EDIL3: variants seen among roughly 807,000 people sequenced by gnomAD.
The protein encoded by EDIL3 is EGF-like repeat and discoidin I-like domain-containing protein 3.
Under a neutral mutation model 67.4 loss-of-function variants are expected in EDIL3, and 37 were observed. That is an observed-to-expected ratio of 0.55 (90% CI 0.42 to 0.72). The LOEUF (loss-of-function observed/expected upper bound fraction) is 0.72, where lower values mean the gene tolerates loss of function less well. Among genes scored for constraint, EDIL3 ranks in the 30% least tolerant of loss-of-function variants. EDIL3 has a pLI of 0.00. For missense variants in EDIL3, 527 were observed against 586.3 expected (o/e 0.90, Z 1.04); for synonymous variants, 195 against 196.3 (o/e 0.99, Z 0.05).
intron 1 of EDIL3, among the ~76,000 whole-genome samples, chr5:84,284,745 G>A (rs571327800): frequency 1.3e-5 from 2 of 152,098 alleles, no homozygotes; most frequent in Non-Finnish European, 2.9e-5. Context: ...CAAAAGATCT[G>A]AGGAATTCAA....
chr5:84,253,286 T>G (rs1235855061), intron 2 of EDIL3, among the ~76,000 whole-genome samples: 2 of 152,212 alleles, frequency 1.3e-5, no homozygotes, highest in Non-Finnish European at 2.9e-5. Context: ...AATGAACAGA[T>G]ATATTCCATC....
At chr5:84,194,566 G>A (rs1011342060) in intron 3 of EDIL3, among the ~76,000 whole-genome samples, 2 of 151,904 alleles carry the variant, frequency 1.3e-5, no homozygotes, top group Admixed American at 6.6e-5. Flanking sequence ...CTTGAGAAAT[G>A]TGTGTAACAA....
At chr5:84,078,786 A>C (rs1746910651) in intron 6 of EDIL3, 1 of 152,186 alleles carries the variant, frequency 6.6e-6, no homozygotes, top group Admixed American at 6.5e-5. Flanking sequence ...ATGCAATAGC[A>C]CAGTTACCTA....
chr5:84,332,329 G>T (rs1010142085), intron 1 of EDIL3, among the ~76,000 whole-genome samples: 4 of 152,176 alleles, frequency 2.6e-5, no homozygotes, highest in Admixed American at 2.6e-4. Context: ...CTATGATAGT[G>T]CCACTGCACT....
chr5:83,974,715 T>G (rs1490075584), intron 9 of EDIL3, among the ~76,000 whole-genome samples: 1 of 151,962 alleles, frequency 6.6e-6, no homozygotes, highest in Admixed American at 6.6e-5. Flanking sequence ...ATTATAGACT[T>G]TCTCACTGAA....
At chr5:84,052,615 T>C (rs993188676) in intron 9 of EDIL3, among the ~76,000 whole-genome samples, 2 of 152,200 alleles carry the variant, frequency 1.3e-5, no homozygotes, top group Non-Finnish European at 2.9e-5. Context: ...TGGAGGAAGA[T>C]GTACCAAGCA....
chr5:84,007,819 A>G (rs1580276530), intron 9 of EDIL3, among the ~76,000 whole-genome samples: 1 of 152,198 alleles, frequency 6.6e-6, no homozygotes, highest in Non-Finnish European at 1.5e-5. Context: ...TCAAAAAGAT[A>G]TTCCTACTCC....
rs906763234 is a variant in EDIL3, at chr5:84,007,668, A to G, written c.1138-44308T>C. ...TGTGGAGAAAAGGGAACCCTCATAC[A>G]CTATTGGTGGGAATGTAAATTAGTA... On this transcript the variant is annotated intron_variant, in intron 9 of 10. Coordinates refer to ENST00000296591, the MANE Select transcript of EDIL3 (RefSeq NM_005711.5). 1.6e-4 allele frequency among the ~76,000 whole-genome samples: 25 copies of G among 152,166 alleles called. 1 individual carries two copies. Among genetic ancestry groups the G allele is most frequent in the Admixed American group, 7.9e-4 (12 of 15,262 alleles).
At chr5:83,972,189 A>C (rs1401022093) in intron 9 of EDIL3, among the ~76,000 whole-genome samples, 1 of 152,098 alleles carries the variant, frequency 6.6e-6, no homozygotes, top group Non-Finnish European at 1.5e-5. Context: ...TATTCTATTC[A>C]TCTTTGTCAC....
At chr5:84,064,475 A>G (rs1452401981) in intron 8 of EDIL3, among the ~76,000 whole-genome samples, 1 of 152,184 alleles carries the variant, frequency 6.6e-6, no homozygotes, top group Non-Finnish European at 1.5e-5. Flanking sequence ...CCACTCAACA[A>G]AACACATTAC....
At chr5:84,237,054 T>C (rs542847977) in intron 2 of EDIL3, among the ~76,000 whole-genome samples, 23 of 152,224 alleles carry the variant, frequency 1.5e-4, no homozygotes, top group African/African-American at 5.3e-4. Context: ...GCTCACTAGA[T>C]ATGAATTTCA....
intron 1 of EDIL3, among the ~76,000 whole-genome samples, chr5:84,293,088 C>T (rs1049547754): frequency 6.6e-6 from 1 of 152,150 alleles, no homozygotes; most frequent in Admixed American, 6.5e-5. Flanking sequence ...CTGACCCCTC[C>T]GCTACATTCT....
At chr5:83,990,429 G>A (rs140153491) in intron 9 of EDIL3, among the ~76,000 whole-genome samples, 3,303 of 150,140 alleles carry the variant, frequency 0.022, 91 homozygotes, top group East Asian at 0.082. Context: ...GGAGGTTGCA[G>A]TGAGCCGAGA....
intron 1 of EDIL3, among the ~76,000 whole-genome samples, chr5:84,358,428 G>T (rs1747531212): frequency 6.6e-6 from 1 of 152,010 alleles, no homozygotes; most frequent in African/African-American, 2.4e-5. Context: ...ACGATATATT[G>T]AAGAACCTAA....
At chr5:84,095,174 T>G (rs1484520264) in intron 6 of EDIL3, among the ~76,000 whole-genome samples, 1 of 152,216 alleles carries the variant, frequency 6.6e-6, no homozygotes, top group African/African-American at 2.4e-5. Context: ...ATATTTTTAC[T>G]GTGAAGTCTG....
At chr5:84,349,717 A>G (rs1413568210) in intron 1 of EDIL3, among the ~76,000 whole-genome samples, 1 of 152,164 alleles carries the variant, frequency 6.6e-6, no homozygotes, top group Non-Finnish European at 1.5e-5. Flanking sequence ...CTTCCATGTC[A>G]GTAAATACAG....
At chr5:84,056,662 G>A (rs1561417382) in intron 9 of EDIL3, among the ~76,000 whole-genome samples, 1 of 151,880 alleles carries the variant, frequency 6.6e-6, no homozygotes, top group Non-Finnish European at 1.5e-5. Context: ...CTCCATTAGA[G>A]CGTCACATTT....
At chr5:84,169,908 A>G (rs1748783632) in intron 4 of EDIL3, among the ~76,000 whole-genome samples, 1 of 152,144 alleles carries the variant, frequency 6.6e-6, no homozygotes, top group Non-Finnish European at 1.5e-5. Context: ...ATAAATGCCC[A>G]AGAGTGTAAT....
rs73141978 is a variant in EDIL3, at chr5:83,942,904, T to G, written c.*515A>C. 2,713 of 157,552 alleles carry G rather than the reference T, an allele frequency of 0.017. 83 individuals carry two copies. The highest frequency in any genetic ancestry group is 0.062 in the African/African-American group (2,572 of 41,552). 9.8% of individuals were successfully genotyped at this position (157,552 alleles called of 1,614,324 possible). On this transcript the variant is annotated 3_prime_UTR_variant, in exon 11 of 11. Transcript: ENST00000296591. ...TATCAGTACTGCATGTTACATATTC[T>G]TCTTTAAAATTTTGTAATAAACATT...
Sources: gnomAD v4.1 joint callset for allele counts (sites outside exome capture counted in the v4.1 genomes callset) on GRCh38, gnomAD v4.1.1 for gene constraint, MANE v1.5 for transcripts, NCBI Gene and HGNC (gene_info 2026-07-23, HGNC 2026-07-21) for gene names.